CTNNA3: variants seen among roughly 807,000 people sequenced by gnomAD.
CTNNA3 encodes the protein catenin alpha-3.
A neutral mutation model predicts 95.7 loss-of-function variants in CTNNA3; 76 were observed. The observed-to-expected ratio is 0.79, with a 90% CI of 0.66 to 0.96. CTNNA3 has a LOEUF of 0.96. Among genes scored for constraint, CTNNA3 ranks in the 40% least tolerant of loss-of-function variants. The pLI, the probability that CTNNA3 is intolerant of heterozygous loss-of-function variation, is 0.00. For synonymous variants in CTNNA3, 431 were observed against 374.4 expected (o/e 1.15, Z -1.74); for missense variants, 1,191 against 1,089.8 (o/e 1.09, Z -1.31).
chr10:67,398,061 C>T (rs1844779644), intron 5 of CTNNA3, among the ~76,000 whole-genome samples: 1 of 152,196 alleles, frequency 6.6e-6, no homozygotes, highest in South Asian at 2.1e-4. Context: ...TGGGAGCCCC[C>T]ACACAGAGTC....
At chr10:67,509,671 T>C (rs1421134648) in intron 5 of CTNNA3, among the ~76,000 whole-genome samples, 1 of 152,214 alleles carries the variant, frequency 6.6e-6, no homozygotes, top group African/African-American at 2.4e-5. Flanking sequence ...TGTGTCTTTA[T>C]AGTAGCATGA....
chr10:66,076,424 A>G (rs775747779), intron 14 of CTNNA3, among the ~76,000 whole-genome samples: 13 of 151,732 alleles, frequency 8.6e-5, no homozygotes, highest in Non-Finnish European at 1.5e-4. Context: ...AGAATTCATT[A>G]AGAGCAATTT....
chr10:66,238,562 G>T (rs1245056872), intron 13 of CTNNA3, among the ~76,000 whole-genome samples: 4 of 152,018 alleles, frequency 2.6e-5, no homozygotes, highest in South Asian at 2.1e-4. Context: ...AATAGCATGC[G>T]ATGACTAACT....
At chr10:67,681,553 A>G (rs1840626477) in intron 1 of CTNNA3, among the ~76,000 whole-genome samples, 1 of 152,100 alleles carries the variant, frequency 6.6e-6, no homozygotes, top group African/African-American at 2.4e-5. Context: ...TAAAGTTCTG[A>G]AAGTATGAAT....
chr10:66,373,526 C>T (rs2092769557), intron 12 of CTNNA3, among the ~76,000 whole-genome samples: 1 of 150,884 alleles, frequency 6.6e-6, no homozygotes, highest in African/African-American at 2.4e-5. Flanking sequence ...ATTATCAACA[C>T]GAAGACACAC....
intron 5 of CTNNA3, among the ~76,000 whole-genome samples, chr10:67,335,353 G>C (rs1841957602): frequency 6.6e-6 from 1 of 152,118 alleles, no homozygotes; most frequent in Non-Finnish European, 1.5e-5. Context: ...AAGCAGGTTG[G>C]AAAATGAATG....
At chr10:67,483,162 GT>G (rs1848304029) in intron 5 of CTNNA3, among the ~76,000 whole-genome samples, 1 of 151,856 alleles carries the variant, frequency 6.6e-6, no homozygotes, top group African/African-American at 2.4e-5. Flanking sequence ...CTTTTACACT[GT>G]TGGTGGGACT....
chr10:66,593,762 C>A (rs180984967), intron 10 of CTNNA3, among the ~76,000 whole-genome samples: 1 of 152,250 alleles, frequency 6.6e-6, no homozygotes, highest in Admixed American at 6.5e-5. Context: ...ACATATCCTT[C>A]TTGAAACTAT....
At chr10:66,890,176 T>A (rs1845212332) in intron 7 of CTNNA3, among the ~76,000 whole-genome samples, 1 of 152,138 alleles carries the variant, frequency 6.6e-6, no homozygotes, top group Admixed American at 6.5e-5. Context: ...GACATCTCAG[T>A]GGAGATGCAG....
intron 12 of CTNNA3, among the ~76,000 whole-genome samples, chr10:66,298,475 T>C (rs2091814556): frequency 6.6e-6 from 1 of 152,194 alleles, no homozygotes; most frequent in Admixed American, 6.5e-5. Context: ...CATACATATA[T>C]ATACACACAT....
At chr10:67,716,228 C>G (rs934846896) in intron 1 of CTNNA3, among the ~76,000 whole-genome samples, 3 of 152,050 alleles carry the variant, frequency 2.0e-5, no homozygotes. Context: ...TTTCAGGTAT[C>G]CCTAAAAAGG....
At chr10:67,103,597 T>C (rs1858462537) in intron 7 of CTNNA3, among the ~76,000 whole-genome samples, 1 of 151,664 alleles carries the variant, frequency 6.6e-6, no homozygotes, top group Non-Finnish European at 1.5e-5. Context: ...CTCATAGTAA[T>C]TAAATAATTT....
chr10:66,948,630 T>C (rs1197313490), intron 7 of CTNNA3, among the ~76,000 whole-genome samples: 4 of 152,220 alleles, frequency 2.6e-5, no homozygotes, highest in Admixed American at 1.3e-4. Flanking sequence ...ATAAAATTTA[T>C]ATCTACAGGA....
intron 3 of CTNNA3, among the ~76,000 whole-genome samples, chr10:67,598,091 G>T (rs1040844682): frequency 3.9e-5 from 6 of 152,126 alleles, no homozygotes; most frequent in African/African-American, 1.4e-4. Flanking sequence ...AGATAGCCCT[G>T]TTCTGTCTAG....
chr10:66,128,839 G>A lies in CTNNA3; in HGVS notation c.1885-25590C>T, dbSNP rs150083116. 3.4e-3 allele frequency among the ~76,000 whole-genome samples: 523 copies of A among 152,268 alleles called. 1 individual carries two copies. Among genetic ancestry groups the A allele is most frequent in the Non-Finnish European group, 6.4e-3 (435 of 68,018 alleles). Reference sequence around the variant, plus strand: ...TGAAACAAATGTACCCACTCTGGTGGAGGATGTTGATAACGGGAAAGGCTG... The same window carrying A: ...TGAAACAAATGTACCCACTCTGGTGAAGGATGTTGATAACGGGAAAGGCTG... On this transcript the variant is annotated intron_variant, in intron 13 of 17. Transcript: ENST00000433211.
chr10:66,443,503 A>T (rs544474111), intron 11 of CTNNA3, among the ~76,000 whole-genome samples: 3 of 152,200 alleles, frequency 2.0e-5, no homozygotes, highest in Admixed American at 1.3e-4. Context: ...GGTCACCAAA[A>T]TCCGCTGTTC....
chr10:67,096,594 C>T (rs1399306092), intron 7 of CTNNA3, among the ~76,000 whole-genome samples: 1 of 151,828 alleles, frequency 6.6e-6, no homozygotes, highest in African/African-American at 2.4e-5. Flanking sequence ...TGAAATCTGC[C>T]TACTTTTTAG....
chr10:67,711,137 C>T (rs1182179103), intron 1 of CTNNA3, among the ~76,000 whole-genome samples: 1 of 152,144 alleles, frequency 6.6e-6, no homozygotes, highest in Non-Finnish European at 1.5e-5. Context: ...AACTGTAAGT[C>T]CAATAAACCT....
At chr10:66,049,994 G>T (rs10996858) in intron 15 of CTNNA3, among the ~76,000 whole-genome samples, 19,379 of 152,042 alleles carry the variant, frequency 0.13, 1,353 homozygotes, top group Non-Finnish European at 0.16. Context: ...ACACAAAAAA[G>T]AGAGAAATGT....
Sources: allele counts gnomAD v4.1 joint callset (sites outside exome capture counted in the v4.1 genomes callset), GRCh38; gene constraint gnomAD v4.1.1; transcripts MANE v1.5; gene names NCBI Gene and HGNC (gene_info 2026-07-23, HGNC 2026-07-21).